LRRC40: variants seen among roughly 807,000 people sequenced by gnomAD.
The protein encoded by LRRC40 is leucine-rich repeat-containing protein 40.
In LRRC40, 76 loss-of-function variants were observed where a neutral mutation model predicts 72.8. That is an observed-to-expected ratio of 1.04 (90% CI 0.87 to 1.26). The LOEUF is 1.26. Among genes scored for constraint, LRRC40 ranks in the 50% most tolerant of loss-of-function variants. LRRC40 has a pLI of 0.00. For missense variants in LRRC40, 684 were observed against 698.9 expected, an observed-to-expected ratio of 0.98 and a Z score of 0.24; for synonymous variants, 243 against 254.2, an observed-to-expected ratio of 0.96 and a Z score of 0.42.
At chr1:70,171,168 T>C (rs1313255157) in intron 9 of LRRC40, among the ~76,000 whole-genome samples, 2 of 152,014 alleles carry the variant, frequency 1.3e-5, no homozygotes, top group Non-Finnish European at 2.9e-5. Context: ...AACAATGAAA[T>C]TGAACCCTTA....
Position 70,205,533 on chromosome 1 carries a change from C to A in LRRC40, c.8G>T (p.Arg3Leu), listed in dbSNP as rs565022599. Residue 3 changes from arginine (R) to leucine (L), a missense_variant, in exon 1 of 15, where the codon CGC becomes CTC. Coordinates refer to ENST00000370952, the MANE Select transcript of LRRC40 (RefSeq NM_017768.5). ...ATCCTGCCCCGCTATCCGCTTCAGG[C>A]GCGACATGTTCAAAGTCCTAGGTCC... is the stretch of plus-strand genomic sequence containing the variant. Reference protein sequence around the residue: MSRLKRIAGQDLR... With the variant: MSLLKRIAGQDLR... The A allele has an allele frequency of 4.4e-6, 7 of 1,594,910 alleles. No individual in the cohort carries two copies. Among genetic ancestry groups the A allele is most frequent in the Admixed American group, 3.4e-5 (2 of 59,574 alleles).
intron 4 of LRRC40, among the ~76,000 whole-genome samples, chr1:70,182,117 ATCT>A (rs1668259351): frequency 6.6e-6 from 1 of 151,948 alleles, no homozygotes; most frequent in African/African-American, 2.4e-5. Context: ...ACTGGATCAA[ATCT>A]TTTTTTAAAA....
intron 3 of LRRC40, 105 bp from the exon 4 acceptor site, chr1:70,185,019 A>C: frequency 1.1e-6 from 1 of 884,192 alleles, no homozygotes; most frequent in Non-Finnish European, 1.7e-6. Context: ...TAAAAATCAA[A>C]TATAGTTACT....
intron 9 of LRRC40, among the ~76,000 whole-genome samples, chr1:70,170,446 A>C (rs894068818): frequency 1.3e-5 from 2 of 152,186 alleles, no homozygotes; most frequent in Non-Finnish European, 2.9e-5. Context: ...AAGTAAAACT[A>C]TCTCTATTTG....
rs1168469235 is a variant in LRRC40, at chr1:70,178,842, A to C, written c.804+9T>G. ...AAATATAGTTATTTAATAATCAACT[A>C]AATAGTACCTTCAATAGACTACAAG... On this transcript the variant is annotated intron_variant, in intron 6 of 14. Transcript: ENST00000370952. 1.3e-6 allele frequency: 2 copies of C among 1,525,702 alleles called. No individual in the cohort carries two copies. Among genetic ancestry groups the C allele is most frequent in the Admixed American group, 3.8e-5 (2 of 52,576 alleles). 94.5% of individuals were successfully genotyped at this position (1,525,702 alleles called of 1,614,324 possible). A position where few individuals can be genotyped will look rare whatever the true frequency, so the allele number is the denominator to read the frequency against.
intron 6 of LRRC40, 89 bp from the exon 7 acceptor site, chr1:70,176,071 A>ATCAC: frequency 1.4e-6 from 1 of 716,556 alleles, no homozygotes; most frequent in Non-Finnish European, 2.1e-6. Flanking sequence ...CTTAATTTCA[A>ATCAC]GTGATTGAAA....
chr1:70,175,924 A>C lies in LRRC40; in HGVS notation c.863T>G (p.Leu288Arg). 1 of 1,596,130 alleles carries C rather than the reference A, an allele frequency of 6.3e-7. No individual in the cohort carries two copies. The highest frequency in any genetic ancestry group is 8.5e-7 in the Non-Finnish European group (1 of 1,174,638). Reference sequence around the variant, plus strand: ...CAGGTCTAGCACAAGAATTGAATTCAGATGTTTAAGATGTTCTGCCTCTAA... The same window carrying C: ...CAGGTCTAGCACAAGAATTGAATTCCGATGTTTAAGATGTTCTGCCTCTAA... The part of the protein sequence containing the change: ...EMLEAEHLKH[L>R]NSILVLDLRD... The change falls in exon 7 of 15, where the codon CTG (leucine) becomes CGG (arginine). Residue 288 changes from leucine to arginine, a missense_variant. Coordinates refer to ENST00000370952, the MANE Select transcript of LRRC40 (RefSeq NM_017768.5).
In LRRC40 at chr1:70,145,865, C is replaced by T; in HGVS notation, c.1744G>A (p.Ala582Thr). ...GCTGTTCCTTTCATTAATATGGCTGCTCGAGGAACTCGGAATGGATTTCCA... is the reference window on the plus strand; with the variant it reads ...GCTGTTCCTTTCATTAATATGGCTGTTCGAGGAACTCGGAATGGATTTCCA... ...LDGNPFRVPR[A>T]AILMKGTAAI... The change falls in exon 15 of 15, where the codon GCA becomes ACA. Residue 582 changes from alanine to threonine, a missense_variant. Physicochemically the swap from Ala to Thr is moderately conservative, Grantham distance 58. Transcript: ENST00000370952. 1 of 1,608,560 alleles carries T rather than the reference C, an allele frequency of 6.2e-7. No homozygotes were observed. Among genetic ancestry groups the T allele is most frequent in the Non-Finnish European group, 8.5e-7 (1 of 1,176,024 alleles).
At chr1:70,185,333 G>A (rs1668336805) in intron 3 of LRRC40, among the ~76,000 whole-genome samples, 1 of 152,198 alleles carries the variant, frequency 6.6e-6, no homozygotes. Flanking sequence ...TGAGGAACCT[G>A]GTGGGAGATA....
In LRRC40 at chr1:70,184,902, C is replaced by T; in HGVS notation, c.420G>A (p.Leu140=). The part of the protein sequence containing the change: ...LQKLNVSHNK[L]KILPEEITNL... ...TTGTAATTTCTTCAGGGAGTATTTT[C>T]AGTTTATTATGGCTATTGGTTGATA... is the stretch of plus-strand genomic sequence containing the variant. Residue 140 remains leucine, a synonymous_variant, in exon 4 of 15, where the codon CTG becomes CTA. Coordinates refer to ENST00000370952, the MANE Select transcript of LRRC40 (RefSeq NM_017768.5). 1.2e-6 allele frequency: 2 copies of T among 1,602,160 alleles called. No individual in the cohort carries two copies.
chr1:70,155,281 T>G (rs1178779685), intron 11 of LRRC40, among the ~76,000 whole-genome samples: 1 of 152,084 alleles, frequency 6.6e-6, no homozygotes, highest in African/African-American at 2.4e-5. Flanking sequence ...TTCATTAACA[T>G]AAAGCCCCAA....
chr1:70,151,078 A>G (rs1003844180), intron 13 of LRRC40, 50 bp downstream of exon 13: 1 of 1,032,018 alleles, frequency 9.7e-7, no homozygotes. Context: ...CCAATGAGAA[A>G]GATCTACATA....
intron 9 of LRRC40, among the ~76,000 whole-genome samples, chr1:70,159,815 C>T (rs1287832442): frequency 6.6e-6 from 1 of 152,078 alleles, no homozygotes; most frequent in East Asian, 1.9e-4. Flanking sequence ...CATTATTTCC[C>T]TCAAATGTCT....
chr1:70,163,490 G>C (rs1021204856), intron 9 of LRRC40, among the ~76,000 whole-genome samples: 5 of 152,082 alleles, frequency 3.3e-5, no homozygotes, highest in Non-Finnish European at 7.4e-5. Flanking sequence ...AGTTAAGCCA[G>C]CAACAGTGGT....
In LRRC40 at chr1:70,175,985, A is replaced by T. The variant is rs553382507; in HGVS notation, c.805-3T>A. 6.5e-7 allele frequency: 1 copy of T among 1,541,272 alleles called. No homozygotes were observed. The highest frequency in any genetic ancestry group is 1.3e-5 in the South Asian group (1 of 78,500). ...TGGTTTTCACCTACGTGCAATTCCT[A>T]CAAAATCAAAGATGAGTTATGTGTA... On this transcript the variant is annotated splice_region_variant and splice_polypyrimidine_tract_variant and intron_variant, in intron 6 of 14. Transcript: ENST00000370952.
At chr1:70,185,519 C>T (rs902744961) in intron 3 of LRRC40, among the ~76,000 whole-genome samples, 1 of 152,168 alleles carries the variant, frequency 6.6e-6, no homozygotes, top group African/African-American at 2.4e-5. Flanking sequence ...CATCCCCAGC[C>T]ATGTGGAACT....
At chr1:70,177,993 A>G (rs1668146775) in intron 6 of LRRC40, among the ~76,000 whole-genome samples, 1 of 152,224 alleles carries the variant, frequency 6.6e-6, no homozygotes, top group African/African-American at 2.4e-5. Flanking sequence ...TTTCTTAATA[A>G]GATTCTTTTC....
chr1:70,173,097 T>C (rs1305351406), intron 9 of LRRC40, among the ~76,000 whole-genome samples: 3 of 152,006 alleles, frequency 2.0e-5, no homozygotes. Context: ...GCACGAAAAA[T>C]AGATAATGAA....
intron 1 of LRRC40, among the ~76,000 whole-genome samples, chr1:70,201,178 A>G (rs1291915430): frequency 6.6e-6 from 1 of 152,184 alleles, no homozygotes; most frequent in Non-Finnish European, 1.5e-5. Context: ...AAAAAAACAA[A>G]AAACAACTAA....
Sources: allele counts gnomAD v4.1 joint callset (sites outside exome capture counted in the v4.1 genomes callset), GRCh38; gene constraint gnomAD v4.1.1; transcripts MANE v1.5; gene names NCBI Gene and HGNC (gene_info 2026-07-23, HGNC 2026-07-21).